SDK1: variants seen among roughly 807,000 people sequenced by gnomAD.
SDK1 encodes the protein protein sidekick-1.
In SDK1, 157 loss-of-function variants were observed where a neutral mutation model predicts 245.5. That is an observed-to-expected ratio of 0.64 (90% CI 0.56 to 0.73). SDK1 has a LOEUF of 0.73. Among genes scored for constraint, SDK1 ranks in the 30% least tolerant of loss-of-function variants. The probability of loss-of-function intolerance (pLI) is 0.00; values close to 1 mark genes in which losing one functional copy is unlikely to be tolerated. For missense variants in SDK1, 3,583 were observed against 3,002.3 expected, an observed-to-expected ratio of 1.19 and a Z score of -4.52; for synonymous variants, 1,647 against 1,278.5, an observed-to-expected ratio of 1.29 and a Z score of -6.15.
intron 5 of SDK1, among the ~76,000 whole-genome samples, chr7:3,852,972 C>G (rs934399923): frequency 6.6e-6 from 1 of 151,928 alleles, no homozygotes. Flanking sequence ...TGTTTTCCTA[C>G]CTGACCGTGT....
chr7:4,063,983 A>G (rs1030327359), intron 19 of SDK1, among the ~76,000 whole-genome samples: 3 of 152,206 alleles, frequency 2.0e-5, no homozygotes, highest in Admixed American at 2.0e-4. Context: ...CTACTAAAAT[A>G]AAACACAGGG....
At chr7:3,881,591 A>G (rs1316179367) in intron 5 of SDK1, among the ~76,000 whole-genome samples, 1 of 152,162 alleles carries the variant, frequency 6.6e-6, no homozygotes, top group East Asian at 1.9e-4. Context: ...CATCTTTATA[A>G]CAGCATGATT....
At chr7:3,798,999 A>C (rs191270654) in intron 4 of SDK1, among the ~76,000 whole-genome samples, 1 of 152,026 alleles carries the variant, frequency 6.6e-6, no homozygotes, top group African/African-American at 2.4e-5. Flanking sequence ...TTCTACATTT[A>C]TTAATTTGAA....
At chr7:3,360,740 T>A (rs895593963) in intron 1 of SDK1, among the ~76,000 whole-genome samples, 2 of 152,170 alleles carry the variant, frequency 1.3e-5, no homozygotes, top group South Asian at 4.1e-4. Flanking sequence ...GAGAAGCTGT[T>A]TATTCTGTCA....
At chr7:3,626,940 T>A (rs1782141209) in intron 2 of SDK1, among the ~76,000 whole-genome samples, 2 of 149,174 alleles carry the variant, frequency 1.3e-5, no homozygotes, top group South Asian at 2.2e-4. Context: ...TTTTTTTTTT[T>A]ATTTTGAGAC....
intron 1 of SDK1, among the ~76,000 whole-genome samples, chr7:3,328,876 G>C (rs1265609131): frequency 1.3e-5 from 2 of 152,036 alleles, no homozygotes; most frequent in African/African-American, 4.8e-5. Context: ...AAGTAGAAGT[G>C]ATCATGCAGT....
At chr7:3,549,633 G>T (rs1297119337) in intron 1 of SDK1, among the ~76,000 whole-genome samples, 1 of 151,800 alleles carries the variant, frequency 6.6e-6, no homozygotes, top group Non-Finnish European at 1.5e-5. Context: ...AGCATGTTTT[G>T]TTTTTTTTCC....
intron 22 of SDK1, among the ~76,000 whole-genome samples, chr7:4,096,927 C>T (rs1782185973): frequency 6.6e-6 from 1 of 152,214 alleles, no homozygotes; most frequent in Non-Finnish European, 1.5e-5. Flanking sequence ...GCAGCCTGGG[C>T]TCAAACACCC....
chr7:3,497,746 A>G (rs1186363166), intron 1 of SDK1, among the ~76,000 whole-genome samples: 1 of 152,236 alleles, frequency 6.6e-6, no homozygotes, highest in Non-Finnish European at 1.5e-5. Flanking sequence ...TATTTAGGCC[A>G]TGGAGAGCTT....
chr7:3,971,707 G>A, intron 12 of SDK1, 139 bp downstream of exon 12: 2 of 674,852 alleles, frequency 3.0e-6, no homozygotes, highest in Non-Finnish European at 5.3e-6. Flanking sequence ...TTCTGGTTGT[G>A]GGCACCGTCA....
chr7:4,166,309 G>A (rs1781496730), intron 32 of SDK1, among the ~76,000 whole-genome samples: 1 of 152,248 alleles, frequency 6.6e-6, no homozygotes, highest in Admixed American at 6.5e-5. Flanking sequence ...TGCATGGAGT[G>A]CTGAGTTCCA....
intron 2 of SDK1, among the ~76,000 whole-genome samples, chr7:3,630,715 C>T (rs1302255874): frequency 6.6e-6 from 1 of 152,032 alleles, no homozygotes; most frequent in East Asian, 1.9e-4. Flanking sequence ...GGTCTTTACA[C>T]TGAAAACTAC....
intron 9 of SDK1, among the ~76,000 whole-genome samples, chr7:3,965,027 G>A (rs952536811): frequency 6.6e-6 from 1 of 152,196 alleles, no homozygotes; most frequent in African/African-American, 2.4e-5. Context: ...TCGTGAGCTG[G>A]GACGTTCTTG....
chr7:3,364,301 G>A lies in SDK1; in HGVS notation c.298+62417G>A, dbSNP rs556467158. On this transcript the variant is annotated intron_variant, in intron 1 of 44. Coordinates refer to ENST00000404826, the MANE Select transcript of SDK1 (RefSeq NM_152744.4). ...TTTTTAATTTTGATGAAGTCAGATT[G>A]ATAAGTTTTTTCTTTTATGGGTCAT... 3.3e-5 allele frequency among the ~76,000 whole-genome samples: 5 copies of A among 152,252 alleles called. No individual in the cohort carries two copies. The East Asian group carries it at 9.6e-4, about 29-fold the overall frequency.
intron 1 of SDK1, among the ~76,000 whole-genome samples, chr7:3,308,153 T>G (rs565521020): frequency 6.6e-6 from 1 of 152,302 alleles, no homozygotes; most frequent in African/African-American, 2.4e-5. Context: ...TTTATCAGTA[T>G]AAGCCTGAAA....
At chr7:4,001,061 C>G (rs1319779715) in intron 14 of SDK1, among the ~76,000 whole-genome samples, 1 of 152,184 alleles carries the variant, frequency 6.6e-6, no homozygotes, top group African/African-American at 2.4e-5. Flanking sequence ...TGGTCCTCAC[C>G]TTCTGGAATC....
intron 2 of SDK1, among the ~76,000 whole-genome samples, chr7:3,625,056 T>A (rs1782071718): frequency 2.0e-5 from 3 of 151,920 alleles, no homozygotes; most frequent in Admixed American, 1.3e-4. Flanking sequence ...AAAAATTAAA[T>A]TATATATATA....
At chr7:4,127,699 A>G (rs1265238594) in intron 26 of SDK1, among the ~76,000 whole-genome samples, 1 of 152,248 alleles carries the variant, frequency 6.6e-6, no homozygotes, top group Non-Finnish European at 1.5e-5. Context: ...TAACTATGAC[A>G]CAAATGCCAA....
intron 1 of SDK1, among the ~76,000 whole-genome samples, chr7:3,321,503 A>G (rs1779801254): frequency 6.6e-6 from 1 of 152,200 alleles, no homozygotes; most frequent in Non-Finnish European, 1.5e-5. Flanking sequence ...TTTGGTTGAT[A>G]CTGAGTCGCT....
Sources: allele counts gnomAD v4.1 joint callset (sites outside exome capture counted in the v4.1 genomes callset), GRCh38; gene constraint gnomAD v4.1.1; transcripts MANE v1.5; gene names NCBI Gene and HGNC (gene_info 2026-07-23, HGNC 2026-07-21).